SDK1: variants seen among roughly 807,000 people sequenced by gnomAD.
SDK1 encodes the protein sidekick cell adhesion molecule 1.
Under a neutral mutation model 245.5 loss-of-function variants are expected in SDK1, and 157 were observed. That is an observed-to-expected ratio of 0.64 (90% CI 0.56 to 0.73). SDK1 has a LOEUF of 0.73. SDK1 is among the 30% of genes least tolerant of loss of function. SDK1 has a pLI of 0.00. For synonymous variants in SDK1, 1,647 were observed against 1,278.5 expected (o/e 1.29, Z -6.15); for missense variants, 3,583 against 3,002.3 (o/e 1.19, Z -4.52).
At chr7:4,072,208 G>A (rs1780297413) in intron 20 of SDK1, among the ~76,000 whole-genome samples, 1 of 152,204 alleles carries the variant, frequency 6.6e-6, no homozygotes, top group Admixed American at 6.5e-5. Context: ...TTCCTGGGCT[G>A]GGTGTAGCCA....
chr7:3,639,845 T>C (rs373364647), intron 3 of SDK1, among the ~76,000 whole-genome samples: 1 of 151,796 alleles, frequency 6.6e-6, no homozygotes, highest in South Asian at 2.1e-4. Flanking sequence ...ATATATGTTA[T>C]ATATATAAAT....
chr7:3,814,502 T>C (rs1779460626), intron 4 of SDK1, among the ~76,000 whole-genome samples: 1 of 151,912 alleles, frequency 6.6e-6, no homozygotes. Context: ...ACCATGCTGT[T>C]TTGGTTACTG....
intron 1 of SDK1, among the ~76,000 whole-genome samples, chr7:3,387,001 C>A (rs988366518): frequency 1.3e-5 from 2 of 152,152 alleles, no homozygotes; most frequent in African/African-American, 4.8e-5. Context: ...CATTCATCTT[C>A]AGTTAGTTGA....
chr7:3,841,235 G>C (rs1207688697), intron 5 of SDK1, among the ~76,000 whole-genome samples: 1 of 152,186 alleles, frequency 6.6e-6, no homozygotes, highest in Non-Finnish European at 1.5e-5. Flanking sequence ...AGTGTTGAGG[G>C]GGGCCGAGAC....
At chr7:3,779,093 A>G (rs1318732214) in intron 4 of SDK1, among the ~76,000 whole-genome samples, 1 of 152,212 alleles carries the variant, frequency 6.6e-6, no homozygotes, top group Non-Finnish European at 1.5e-5. Context: ...TCATTTGGCT[A>G]AGAATTCTGC....
intron 32 of SDK1, among the ~76,000 whole-genome samples, chr7:4,165,930 G>A (rs1014677596): frequency 2.6e-5 from 4 of 152,114 alleles, no homozygotes; most frequent in African/African-American, 9.7e-5. Context: ...AGGACTACAG[G>A]TGTGCACCAC....
intron 22 of SDK1, among the ~76,000 whole-genome samples, chr7:4,099,321 G>C (rs1397244537): frequency 6.9e-6 from 1 of 145,426 alleles, no homozygotes; most frequent in Non-Finnish European, 1.5e-5. Context: ...CCAAGGGGAG[G>C]GGGCAGGGAA....
chr7:4,183,299 G>A (rs962430564), intron 35 of SDK1, among the ~76,000 whole-genome samples: 1 of 152,160 alleles, frequency 6.6e-6, no homozygotes, highest in Non-Finnish European at 1.5e-5. Context: ...CACTAATTTT[G>A]TGACCTCTGG....
intron 29 of SDK1, among the ~76,000 whole-genome samples, chr7:4,148,205 G>A (rs1424747448): frequency 6.6e-6 from 1 of 152,196 alleles, no homozygotes; most frequent in African/African-American, 2.4e-5. Context: ...GGAGGCAAGT[G>A]CTGATGAAGT....
At chr7:3,537,475 C>A (rs1425170910) in intron 1 of SDK1, among the ~76,000 whole-genome samples, 6 of 152,180 alleles carry the variant, frequency 3.9e-5, no homozygotes, top group Non-Finnish European at 7.4e-5. Flanking sequence ...TTAGGTTGGA[C>A]TGTAAATCAC....
chr7:4,007,891 T>A (rs1217780653), intron 14 of SDK1, among the ~76,000 whole-genome samples: 1 of 152,164 alleles, frequency 6.6e-6, no homozygotes. Flanking sequence ...GGCATTGTTT[T>A]AATCTTTAAT....
intron 1 of SDK1, among the ~76,000 whole-genome samples, chr7:3,513,129 G>C (rs533923809): frequency 1.3e-5 from 2 of 152,178 alleles, no homozygotes; most frequent in South Asian, 4.2e-4. Flanking sequence ...AAAAATACTA[G>C]CAGCTAACAG....
At chr7:3,459,383 G>C (rs897310451) in intron 1 of SDK1, among the ~76,000 whole-genome samples, 2 of 152,116 alleles carry the variant, frequency 1.3e-5, no homozygotes, top group African/African-American at 4.8e-5. Flanking sequence ...TTATGTATTA[G>C]TTTTTAACAT....
chr7:3,802,179 T>G (rs12535195), intron 4 of SDK1, among the ~76,000 whole-genome samples: 53,882 of 151,904 alleles, frequency 0.35, 11,019 homozygotes, highest in African/African-American at 0.56. Flanking sequence ...CAATGTGTGT[T>G]TGTAGTTCTT....
In SDK1 at chr7:3,962,831, A is replaced by C. The variant is rs1436208790; in HGVS notation, c.1409A>C (p.His470Pro). 4 of 1,612,742 alleles carry C rather than the reference A, an allele frequency of 2.5e-6. No individual in the cohort carries two copies. Among genetic ancestry groups the C allele is most frequent in the Non-Finnish European group, 3.4e-6 (4 of 1,179,614 alleles). Reference sequence around the variant, plus strand: ...AATGAAGGAGGGGAGATCCAGACCCACACCTACCTGGATGTAACCAGTGAG... The same window carrying C: ...AATGAAGGAGGGGAGATCCAGACCCCCACCTACCTGGATGTAACCAGTGAG... ...ASNEGGEIQTHTYLDVTNIAP... is the reference protein window; with the variant it reads ...ASNEGGEIQTPTYLDVTNIAP... Residue 470 changes from histidine to proline, a missense_variant, in exon 9 of 45, where the codon CAC (histidine) becomes CCC (proline). Physicochemically the swap from His to Pro is moderately conservative, Grantham distance 77. Transcript: ENST00000404826.
At position 3,343,109 on chromosome 7, in the gene SDK1, C is replaced by T. The variant is rs140632572; in HGVS notation, c.298+41225C>T. Among the ~76,000 whole-genome samples the T allele has an allele frequency of 7.8e-3, 1,188 of 151,814 alleles. 13 individuals carry two copies. The highest frequency in any genetic ancestry group is 0.021 in the Middle Eastern group (6 of 292). ...ACAGCCACTCTAGAAAACAGTTTGG[C>T]GGTTTCTTATAAAACTAAACGTAGA... On this transcript the variant is annotated intron_variant, in intron 1 of 44. Coordinates refer to ENST00000404826, the MANE Select transcript of SDK1 (RefSeq NM_152744.4).
intron 4 of SDK1, among the ~76,000 whole-genome samples, chr7:3,724,398 C>CA: frequency 6.6e-6 from 1 of 152,016 alleles, no homozygotes; most frequent in African/African-American, 2.4e-5. Context: ...CATAGTGAGA[C>CA]CCTGTCTGTA....
chr7:3,324,743 A>C (rs73046647), intron 1 of SDK1, among the ~76,000 whole-genome samples: 1,796 of 152,252 alleles, frequency 0.012, 17 homozygotes, highest in Middle Eastern at 0.037. Context: ...AATTTGAGGT[A>C]GTTGCTGGTT....
At chr7:4,096,897 G>T (rs997003306) in intron 22 of SDK1, among the ~76,000 whole-genome samples, 5 of 152,188 alleles carry the variant, frequency 3.3e-5, no homozygotes, top group South Asian at 2.1e-4. Flanking sequence ...TGACTGTAAG[G>T]ATCTGTAGCC....
Sources: allele counts gnomAD v4.1 joint callset (sites outside exome capture counted in the v4.1 genomes callset), GRCh38; gene constraint gnomAD v4.1.1; transcripts MANE v1.5; gene names NCBI Gene and HGNC (gene_info 2026-07-23, HGNC 2026-07-21).